The following ZSWIM6 variants were observed in gnomAD, a reference collection of about 807,000 sequenced individuals.
The protein encoded by ZSWIM6 is zinc finger SWIM-type containing 6.
A neutral mutation model predicts 113.2 loss-of-function variants in ZSWIM6; 9 were observed. The observed-to-expected ratio is 0.08, with a 90% CI of 0.05 to 0.14. The LOEUF is 0.14. Ranked by LOEUF, ZSWIM6 falls within the 10% of genes least tolerant of loss-of-function variation. The pLI is 1.00. For synonymous variants in ZSWIM6, 611 were observed against 606.5 expected, an observed-to-expected ratio of 1.01 and a Z score of -0.11; for missense variants, 1,162 against 1,552.2, an observed-to-expected ratio of 0.75 and a Z score of 4.22.
intron 7 of ZSWIM6, among the ~76,000 whole-genome samples, chr5:61,527,521 T>C (rs1403265065): frequency 6.6e-6 from 1 of 152,126 alleles, no homozygotes; most frequent in Non-Finnish European, 1.5e-5. Context: ...TCAGATGGGA[T>C]TGGAATGTGA....
chr5:61,369,371 A>G (rs1364099895), intron 1 of ZSWIM6, among the ~76,000 whole-genome samples: 1 of 152,238 alleles, frequency 6.6e-6, no homozygotes, highest in Non-Finnish European at 1.5e-5. Flanking sequence ...GATCAAACTC[A>G]AATACATTCT....
At chr5:61,345,706 A>G (rs1484985585) in intron 1 of ZSWIM6, among the ~76,000 whole-genome samples, 3 of 152,198 alleles carry the variant, frequency 2.0e-5, no homozygotes, top group Non-Finnish European at 2.9e-5. Context: ...ATGGCAGGAT[A>G]ACGTTTAGTA....
At chr5:61,537,671 G>C (rs34195965) in intron 10 of ZSWIM6, among the ~76,000 whole-genome samples, 1 of 152,138 alleles carries the variant, frequency 6.6e-6, no homozygotes, top group Non-Finnish European at 1.5e-5. Flanking sequence ...AAGGAGAAGA[G>C]AATGAGCCAT....
intron 11 of ZSWIM6, 25 bp downstream of exon 11, chr5:61,538,996 T>C: frequency 6.8e-7 from 1 of 1,478,604 alleles, no homozygotes; most frequent in Non-Finnish European, 9.0e-7. Context: ...TGAGGCCTCA[T>C]AATTGTTTCA....
intron 1 of ZSWIM6, among the ~76,000 whole-genome samples, chr5:61,454,605 C>T (rs960356831): frequency 1.1e-4 from 17 of 149,686 alleles, no homozygotes; most frequent in South Asian, 2.1e-4. Context: ...GATGGAGTCC[C>T]GCTCTGTTGC....
chr5:61,347,210 C>G (rs1030438193), intron 1 of ZSWIM6: 59 of 163,416 alleles, frequency 3.6e-4, no homozygotes, highest in Non-Finnish European at 3.2e-4. Flanking sequence ...TGAACAACAT[C>G]TGGCAGTATT....
chr5:61,454,574 T>G (rs1452100028), intron 1 of ZSWIM6, among the ~76,000 whole-genome samples: 2 of 151,168 alleles, frequency 1.3e-5, no homozygotes, highest in Non-Finnish European at 2.9e-5. Flanking sequence ...TAAGTTTTTT[T>G]TTTTTTTTTT....
At chr5:61,337,782 G>C (rs1744434116) in intron 1 of ZSWIM6, among the ~76,000 whole-genome samples, 1 of 152,160 alleles carries the variant, frequency 6.6e-6, no homozygotes, top group Admixed American at 6.5e-5. Context: ...GGAAGTATGG[G>C]TATTTTTCGA....
chr5:61,397,257 C>A (rs562726452), intron 1 of ZSWIM6, among the ~76,000 whole-genome samples: 2 of 152,308 alleles, frequency 1.3e-5, no homozygotes, highest in South Asian at 4.1e-4. Context: ...ATATCTAAAA[C>A]ATCTTATACA....
intron 1 of ZSWIM6, among the ~76,000 whole-genome samples, chr5:61,360,781 CTT>C (rs1745018465): frequency 6.6e-6 from 1 of 152,112 alleles, no homozygotes; most frequent in Non-Finnish European, 1.5e-5. Flanking sequence ...TTCTGTTTCT[CTT>C]TGATCTTTTC....
intron 6 of ZSWIM6, 79 bp from the exon 7 acceptor site, chr5:61,526,171 G>A (rs2112268683): frequency 6.8e-7 from 1 of 1,469,460 alleles, no homozygotes; most frequent in African/African-American, 1.4e-5. Context: ...TATTTTGGGA[G>A]AAACATCTTA....
Position 61,543,089 on chromosome 5 carries a change from C to T in ZSWIM6, c.2786-366C>T, listed in dbSNP as rs558080550. On this transcript the variant is annotated intron_variant, in intron 13 of 13. Coordinates refer to ENST00000252744, the MANE Select transcript of ZSWIM6 (RefSeq NM_020928.2). This position sits in a 1 kb window ranked among gnomAD's most constrained non-coding sequence, Gnocchi z 4.3. The stretch of plus-strand genomic sequence containing the variant: ...ACAAGCACATAAGCCATGTAAAGTC[C>T]CTGTTTTGGTGAGGTTGCAATTTTT... 6.6e-6 allele frequency among the ~76,000 whole-genome samples: 1 copy of T among 152,188 alleles called. No homozygotes were observed. The highest frequency in any genetic ancestry group is 2.1e-4 in the South Asian group (1 of 4,804).
intron 4 of ZSWIM6, among the ~76,000 whole-genome samples, chr5:61,499,321 G>T (rs1047486289): frequency 2.0e-5 from 3 of 152,108 alleles, no homozygotes; most frequent in East Asian, 1.9e-4. Flanking sequence ...CACTGTCAGT[G>T]CTGTGTTGTT....
In ZSWIM6 at chr5:61,470,396, C is replaced by T. The variant is rs575565739; in HGVS notation, c.677-2285C>T. 2.0e-5 allele frequency among the ~76,000 whole-genome samples: 3 copies of T among 152,282 alleles called. No individual in the cohort carries two copies. The East Asian group carries it at 5.8e-4, about 29-fold the overall frequency. Reference sequence around the variant, plus strand: ...GGAACTTTCCAGACTCTCTCTTATGCTCCCTTGGTAATTTTTTTGTCTTGA... The same window carrying T: ...GGAACTTTCCAGACTCTCTCTTATGTTCCCTTGGTAATTTTTTTGTCTTGA... On this transcript the variant is annotated intron_variant, in intron 1 of 13. Transcript: ENST00000252744.
At chr5:61,413,817 T>C (rs892902451) in intron 1 of ZSWIM6, among the ~76,000 whole-genome samples, 1 of 152,162 alleles carries the variant, frequency 6.6e-6, no homozygotes, top group Non-Finnish European at 1.5e-5. Context: ...TGCATAAATA[T>C]CTTCTTTTGA....
At chr5:61,342,543 T>C (rs899768065) in intron 1 of ZSWIM6, among the ~76,000 whole-genome samples, 12 of 152,188 alleles carry the variant, frequency 7.9e-5, no homozygotes, top group Non-Finnish European at 1.5e-5. Flanking sequence ...CTTTGGTTGG[T>C]GCTCAAGCAA....
In ZSWIM6 at chr5:61,357,358, A is replaced by G. The variant is rs561415570; in HGVS notation, c.676+24410A>G. Among the ~76,000 whole-genome samples the G allele has an allele frequency of 3.3e-5, 5 of 152,270 alleles. No homozygotes were observed. The South Asian group carries it at 1.0e-3, about 32-fold the overall frequency. ...ATAATACAGTCACTAGGGTTAGGCT[A>G]TGGGAATTTAGGAGCCAGGGTTCAC... On this transcript the variant is annotated intron_variant, in intron 1 of 13. Transcript: ENST00000252744.
At chr5:61,393,585 C>T (rs1219502268) in intron 1 of ZSWIM6, among the ~76,000 whole-genome samples, 1 of 151,916 alleles carries the variant, frequency 6.6e-6, no homozygotes, top group Non-Finnish European at 1.5e-5. Context: ...TAAAAACCTA[C>T]TTTTAGGCCG....
At chr5:61,360,423 G>A (rs1236313762) in intron 1 of ZSWIM6, among the ~76,000 whole-genome samples, 1 of 152,206 alleles carries the variant, frequency 6.6e-6, no homozygotes, top group East Asian at 1.9e-4. Context: ...ATGTTTTTAA[G>A]CTTGCTTTGC....
Sources: allele counts gnomAD v4.1 joint callset (sites outside exome capture counted in the v4.1 genomes callset), GRCh38; gene constraint gnomAD v4.1.1; non-coding constraint Gnocchi (gnomAD v3.1); transcripts MANE v1.5; gene names NCBI Gene and HGNC (gene_info 2026-07-23, HGNC 2026-07-21).